Variants in GSN observed in about 807,000 individuals in gnomAD.
GSN encodes the protein actin-depolymerizing factor.
GSN carries 56 observed loss-of-function variants against 85.7 expected under a neutral mutation model. The observed-to-expected ratio is 0.65, with a 90% CI of 0.53 to 0.82. The LOEUF is 0.82. Among genes scored for constraint, GSN ranks in the 40% least tolerant of loss-of-function variants. The pLI is 0.00. For missense variants in GSN, 857 were observed against 979.8 expected (o/e 0.87, Z 1.67); for synonymous variants, 373 against 399.1 (o/e 0.93, Z 0.78).
intron 6 of GSN, among the ~76,000 whole-genome samples, chr9:121,258,725 G>GTT (rs34130574): frequency 6.8e-6 from 1 of 147,414 alleles, no homozygotes; most frequent in African/African-American, 2.5e-5. Context: ...TCTATTACAA[G>GTT]TTTTTTTTTT....
upstream of GSN, among the ~76,000 whole-genome samples, chr9:121,205,693 G>T (rs920254179): frequency 1.3e-5 from 2 of 152,146 alleles, no homozygotes; most frequent in African/African-American, 4.8e-5. Flanking sequence ...TGTGTGAGGG[G>T]TCACCTGTTC....
chr9:121,273,299 A>G (rs1022169968), intron 1 of GSN, among the ~76,000 whole-genome samples: 25 of 152,190 alleles, frequency 1.6e-4, no homozygotes, highest in African/African-American at 5.6e-4. Flanking sequence ...TATATATTCT[A>G]CATATGTGAG....
intron 11 of GSN, among the ~76,000 whole-genome samples, chr9:121,322,678 C>T (rs2062625173): frequency 6.6e-6 from 1 of 152,200 alleles, no homozygotes; most frequent in Non-Finnish European, 1.5e-5. Context: ...CTGTGAGAGT[C>T]CCTGGTTCCC....
intron 5 of GSN, among the ~76,000 whole-genome samples, chr9:121,244,790 G>A (rs2054667671): frequency 6.6e-6 from 1 of 152,004 alleles, no homozygotes; most frequent in South Asian, 2.1e-4. Flanking sequence ...GTGATCTCCA[G>A]GATATATTTT....
At chr9:121,281,800 C>T (rs996126863) in intron 2 of GSN, 15 of 471,046 alleles carry the variant, frequency 3.2e-5, no homozygotes, top group Admixed American at 7.0e-5. Flanking sequence ...GCTCGGTGCC[C>T]GGATGCCTGG....
intron 2 of GSN, chr9:121,300,219 A>T: frequency 1.2e-6 from 1 of 837,804 alleles, no homozygotes. Context: ...AGCTAACCTC[A>T]CCTTGGCCGG....
At chr9:121,264,898 T>C (rs1305945054), upstream of GSN, among the ~76,000 whole-genome samples, 2 of 152,226 alleles carry the variant, frequency 1.3e-5, no homozygotes, top group Non-Finnish European at 1.5e-5. Context: ...AAACAAAGAT[T>C]CCAGCTTGCT....
chr9:121,331,477 GGA>G, intron 17 of GSN, 29 bp downstream of exon 17: 2 of 1,328,662 alleles, frequency 1.5e-6, no homozygotes, highest in Non-Finnish European at 2.1e-6. Flanking sequence ...GGGGGCGGGG[GGA>G]GGGGTCCGTT....
chr9:121,248,339 C>T (rs541391662), intron 6 of GSN: 68 of 152,408 alleles, frequency 4.5e-4, no homozygotes, highest in African/African-American at 1.5e-3. Flanking sequence ...CACCACCACA[C>T]CCAAGCCCTT....
chr9:121,281,908 C>G (rs1183760507), intron 2 of GSN: 4 of 471,222 alleles, frequency 8.5e-6, no homozygotes, highest in African/African-American at 2.0e-5. Flanking sequence ...GAGCAGAGTC[C>G]CCATAAAGAG....
upstream of GSN, among the ~76,000 whole-genome samples, chr9:121,206,432 GGT>G (rs1456379810): frequency 6.6e-6 from 1 of 152,130 alleles, no homozygotes; most frequent in Non-Finnish European, 1.5e-5. Context: ...ACTAAAAAAA[GGT>G]GATGCATAAA....
intron 2 of GSN, chr9:121,281,913 A>G (rs777037219): frequency 2.1e-6 from 1 of 471,376 alleles, no homozygotes; most frequent in South Asian, 1.5e-5. Context: ...GAGTCCCCAT[A>G]AAGAGGAGGT....
chr9:121,313,738 G>C, intron 6 of GSN, 196 bp from the exon 7 acceptor site: 3 of 621,596 alleles, frequency 4.8e-6, no homozygotes, highest in Non-Finnish European at 8.7e-6. Flanking sequence ...CTGAGTCAGG[G>C]AGACAAGGTG....
intron 4 of GSN, among the ~76,000 whole-genome samples, chr9:121,212,383 C>T (rs766973791): frequency 7.9e-5 from 12 of 152,048 alleles, no homozygotes; most frequent in Non-Finnish European, 1.3e-4. Context: ...ATTGGATTGT[C>T]GTGAAGGTTA....
chr9:121,326,771 G>T, intron 13 of GSN, 89 bp downstream of exon 13: 2 of 1,151,792 alleles, frequency 1.7e-6, no homozygotes, highest in Non-Finnish European at 2.6e-6. Flanking sequence ...AGGAACGGGG[G>T]CAGGGGATGG....
At chr9:121,290,701 A>G (rs1276786756) in intron 2 of GSN, among the ~76,000 whole-genome samples, 1 of 152,272 alleles carries the variant, frequency 6.6e-6, no homozygotes, top group Admixed American at 6.5e-5. Context: ...ATTACTTTCA[A>G]TGACGAAAAC....
chr9:121,270,257 A>G (rs2055741202), intron 1 of GSN, among the ~76,000 whole-genome samples: 1 of 152,236 alleles, frequency 6.6e-6, no homozygotes, highest in Non-Finnish European at 1.5e-5. Flanking sequence ...ATTATAAGCT[A>G]AGGGTTTGGA....
At chr9:121,263,747 G>T (rs142106341), upstream of GSN, among the ~76,000 whole-genome samples, 5,987 of 151,966 alleles carry the variant, frequency 0.039, 424 homozygotes, top group African/African-American at 0.14. Context: ...AAAATTAGCC[G>T]GGCGTTGTTG....
chr9:121,289,545 G>T lies in GSN; in HGVS notation c.-10+7983G>T, dbSNP rs571682987. On this transcript the variant is annotated intron_variant, in intron 2 of 17. Transcript: ENST00000432226. ...AGATTGCTAACAGCTGCTGTAGGAG[G>T]GGTTGGATGTGCGGAAGAGGAGGCC... 1.6e-3 allele frequency among the ~76,000 whole-genome samples: 238 copies of T among 152,330 alleles called. 1 individual carries two copies. The highest frequency in any genetic ancestry group is 5.2e-3 in the African/African-American group (218 of 41,564).
Sources: allele counts gnomAD v4.1 joint callset (sites outside exome capture counted in the v4.1 genomes callset), GRCh38; gene constraint gnomAD v4.1.1; transcripts MANE v1.5; gene names NCBI Gene and HGNC (gene_info 2026-07-23, HGNC 2026-07-21).